The following FOLH1 variants were observed in gnomAD, a reference collection of about 807,000 sequenced individuals.
The protein encoded by FOLH1 is folate hydrolase 1.
In FOLH1, 54 loss-of-function variants were observed where a neutral mutation model predicts 93.9. That is an observed-to-expected ratio of 0.57 (90% CI 0.46 to 0.72). The LOEUF (loss-of-function observed/expected upper bound fraction) is 0.72. FOLH1 is among the 30% of genes least tolerant of loss of function. The probability of loss-of-function intolerance (pLI) is 0.00; values close to 1 mark genes in which losing one functional copy is unlikely to be tolerated. For synonymous variants in FOLH1, 249 were observed against 303.6 expected (o/e 0.82, Z 1.87); for missense variants, 571 against 892.5 (o/e 0.64, Z 4.59).
In FOLH1 at chr11:49,157,963, A is replaced by C. The variant is rs1366667571; in HGVS notation, c.1521T>G (p.Ser507Arg). 1.3e-5 allele frequency: 20 copies of C among 1,595,710 alleles called. No individual in the cohort carries two copies. Among genetic ancestry groups the C allele is most frequent in the Non-Finnish European group, 1.7e-5 (20 of 1,168,916 alleles). Residue 507 changes from serine to arginine, a missense_variant, in exon 14 of 19, where the codon AGT becomes AGG. Coordinates refer to ENST00000256999, the MANE Select transcript of FOLH1 (RefSeq NM_004476.3). ...ATTCATTTGTTTACCTGGGCATGCC[A>C]CTGAACTCTGGGGAAGGACTTTTTT... ...WTKKSPSPEF[S>R]GMPRISKLGS...
At chr11:49,148,446 C>G (rs1565122257) in intron 18 of FOLH1, among the ~76,000 whole-genome samples, 193 bp downstream of exon 18, 1 of 151,020 alleles carries the variant, frequency 6.6e-6, no homozygotes, top group Non-Finnish European at 1.5e-5. Context: ...CAAAGATACT[C>G]AAAATAAAGA....
chr11:49,200,487 A>C, intron 2 of FOLH1, 46 bp from the exon 3 acceptor site: 1 of 1,593,476 alleles, frequency 6.3e-7, no homozygotes, highest in Admixed American at 1.7e-5. Flanking sequence ...TGTTTAATCA[A>C]CTTTTATTCC....
At chr11:49,192,168 C>A (rs1862128510) in intron 4 of FOLH1, among the ~76,000 whole-genome samples, 1 of 151,820 alleles carries the variant, frequency 6.6e-6, no homozygotes, top group Non-Finnish European at 1.5e-5. Context: ...TATTTAGCTT[C>A]AATCTGATAA....
chr11:49,196,572 C>T (rs1862643532), intron 3 of FOLH1, among the ~76,000 whole-genome samples: 1 of 151,926 alleles, frequency 6.6e-6, no homozygotes, highest in Non-Finnish European at 1.5e-5. Context: ...ATTTAAAACC[C>T]TAATGCTAAT....
intron 7 of FOLH1, among the ~76,000 whole-genome samples, chr11:49,180,098 G>A (rs555432628): frequency 6.6e-6 from 1 of 152,326 alleles, no homozygotes; most frequent in East Asian, 1.9e-4. Flanking sequence ...TTACCAAAGT[G>A]TCTTTTGCAT....
rs770222560 is a variant in FOLH1 at position 49,148,623 on chromosome 11, T to C, written c.2063+16A>G. The C allele has an allele frequency of 2.0e-6, 3 of 1,528,814 alleles. No homozygotes were observed. Among genetic ancestry groups the C allele is most frequent in the Non-Finnish European group, 2.7e-6 (3 of 1,125,426 alleles). The allele number at this position is 1,528,814 out of a possible 1,614,324, so 94.7% of individuals were successfully genotyped here. A position where few individuals can be genotyped will look rare whatever the true frequency, so the allele number is the denominator to read the frequency against. On this transcript the variant is annotated intron_variant, in intron 18 of 18. Coordinates refer to ENST00000256999, the MANE Select transcript of FOLH1 (RefSeq NM_004476.3). Reference sequence around the variant, plus strand: ...AAAGTGATATTACAGAAAGGAGTCATATTTTCTTTTCTTACCTATAAAAAG... The same window carrying C: ...AAAGTGATATTACAGAAAGGAGTCACATTTTCTTTTCTTACCTATAAAAAG...
intron 7 of FOLH1, among the ~76,000 whole-genome samples, chr11:49,181,257 A>ATG (rs1860697677): frequency 1.3e-5 from 2 of 151,730 alleles, no homozygotes; most frequent in Admixed American, 6.6e-5. Flanking sequence ...ACAGGCATGC[A>ATG]CCAGCATGCC....
At chr11:49,175,767 T>C in intron 8 of FOLH1, 92 bp downstream of exon 8, 1 of 1,086,698 alleles carries the variant, frequency 9.2e-7, no homozygotes, top group South Asian at 1.6e-5. Flanking sequence ...CTGCTGGTAT[T>C]ACATAAATTT....
chr11:49,206,370 A>G, intron 1 of FOLH1, 198 bp from the exon 2 acceptor site: 1 of 921,410 alleles, frequency 1.1e-6, no homozygotes, highest in Non-Finnish European at 1.7e-6. Flanking sequence ...TTAAGTTGCA[A>G]ACCAATTGCA....
At chr11:49,152,929 G>A (rs1218994592) in intron 17 of FOLH1, among the ~76,000 whole-genome samples, 2 of 152,018 alleles carry the variant, frequency 1.3e-5, no homozygotes, top group African/African-American at 2.4e-5. Flanking sequence ...AGTTATAGCA[G>A]GTACTAACAT....
At chr11:49,156,856 A>G (rs751514073) in intron 14 of FOLH1, 49 bp from the exon 15 acceptor site, 24 of 1,605,516 alleles carry the variant, frequency 1.5e-5, no homozygotes, top group Non-Finnish European at 1.9e-5. Context: ...TTGTTCATTA[A>G]GCACAGATTA....
chr11:49,159,626 G>A (rs1424380704), intron 13 of FOLH1, among the ~76,000 whole-genome samples: 7 of 152,088 alleles, frequency 4.6e-5, no homozygotes, highest in African/African-American at 1.7e-4. Context: ...TTTGGTATTG[G>A]GATGATGCTG....
Position 49,168,230 on chromosome 11 carries a change from A to G in FOLH1, c.1372+965T>C, listed in dbSNP as rs900527350. On this transcript the variant is annotated intron_variant, in intron 12 of 18. Coordinates refer to ENST00000256999, the MANE Select transcript of FOLH1 (RefSeq NM_004476.3). The stretch of plus-strand genomic sequence containing the variant: ...AAGACATGTCTTCCCTGAAAAAGTA[A>G]CATTTCAAAGGAGGGTCTAAGGATA... 2.4e-4 allele frequency among the ~76,000 whole-genome samples: 36 copies of G among 151,694 alleles called. 1 individual carries two copies. The highest frequency in any genetic ancestry group is 8.5e-4 in the Admixed American group (13 of 15,266).
intron 6 of FOLH1, among the ~76,000 whole-genome samples, chr11:49,184,736 T>G (rs936112378): frequency 6.6e-6 from 1 of 152,238 alleles, no homozygotes; most frequent in African/African-American, 2.4e-5. Context: ...GGCAAAGTAT[T>G]TTATACAAGT....
intron 7 of FOLH1, among the ~76,000 whole-genome samples, chr11:49,179,859 T>C (rs571123299): frequency 7.7e-4 from 118 of 152,274 alleles, no homozygotes; most frequent in Non-Finnish European, 1.5e-3. Flanking sequence ...TAAAAAGTAA[T>C]TACTAAAATC....
intron 1 of FOLH1, chr11:49,206,732 C>A (rs1275286883): frequency 4.6e-6 from 7 of 1,530,716 alleles, no homozygotes; most frequent in Non-Finnish European, 6.1e-6. Context: ...GTGAAGTAGG[C>A]GTGAGAAATC....
chr11:49,206,643 A>G, intron 1 of FOLH1: 1 of 664,122 alleles, frequency 1.5e-6, no homozygotes, highest in Non-Finnish European at 2.5e-6. Flanking sequence ...ATTATTTCCA[A>G]GTGTTGAAGG....
chr11:49,202,760 T>A (rs1351705433), intron 2 of FOLH1, among the ~76,000 whole-genome samples: 1 of 152,196 alleles, frequency 6.6e-6, no homozygotes, highest in Non-Finnish European at 1.5e-5. Flanking sequence ...AGGTATTTAG[T>A]AAAAGGTGGA....
intron 10 of FOLH1, among the ~76,000 whole-genome samples, chr11:49,171,662 T>C (rs1382110921): frequency 6.6e-6 from 1 of 152,168 alleles, no homozygotes; most frequent in East Asian, 1.9e-4. Context: ...TTAGAACTCT[T>C]TCCTGTTGTT....
Sources: gnomAD v4.1 joint callset for allele counts (sites outside exome capture counted in the v4.1 genomes callset) on GRCh38, gnomAD v4.1.1 for gene constraint, MANE v1.5 for transcripts, NCBI Gene and HGNC (gene_info 2026-07-23, HGNC 2026-07-21) for gene names.